Variants in COL11A1 observed in about 807,000 individuals in gnomAD.
The protein encoded by COL11A1 is collagen alpha-1(XI) chain.
Under a neutral mutation model 265.2 loss-of-function variants are expected in COL11A1, and 74 were observed. That is an observed-to-expected ratio of 0.28 (90% confidence interval 0.23 to 0.34). The LOEUF is 0.34. COL11A1 is among the 10% of genes least tolerant of loss of function. The pLI, the probability that COL11A1 is intolerant of heterozygous loss-of-function variation, is 1.00. For missense variants in COL11A1, 2,165 were observed against 2,263.6 expected (o/e 0.96, Z 0.88); for synonymous variants, 816 against 727.6 (o/e 1.12, Z -1.96).
chr1:103,067,533 A>T (rs1349726637), intron 4 of COL11A1, among the ~76,000 whole-genome samples: 1 of 151,826 alleles, frequency 6.6e-6, no homozygotes, highest in Non-Finnish European at 1.5e-5. Flanking sequence ...GGAAAAAAGC[A>T]AATCTCGAAG....
intron 1 of COL11A1, among the ~76,000 whole-genome samples, chr1:103,090,118 T>A (rs1321867822): frequency 6.6e-6 from 1 of 151,594 alleles, no homozygotes; most frequent in East Asian, 1.9e-4. Flanking sequence ...CGAGGCTTTG[T>A]CTCAAAATAA....
chr1:103,027,053 T>C (rs1175087518), intron 5 of COL11A1, among the ~76,000 whole-genome samples: 2 of 151,690 alleles, frequency 1.3e-5, no homozygotes. Flanking sequence ...ATCACTGCCT[T>C]TTTCTCTATT....
intron 4 of COL11A1, among the ~76,000 whole-genome samples, chr1:103,059,079 A>C (rs1335587550): frequency 6.6e-6 from 1 of 152,224 alleles, no homozygotes; most frequent in Non-Finnish European, 1.5e-5. Flanking sequence ...AGGTTGCCAC[A>C]AACTTTCAAT....
intron 1 of COL11A1, among the ~76,000 whole-genome samples, chr1:103,088,942 T>TC (rs1673090502): frequency 6.6e-6 from 1 of 152,024 alleles, no homozygotes; most frequent in South Asian, 2.1e-4. Context: ...TGCCACAAAC[T>TC]CCAAGAGCCA....
intron 37 of COL11A1, 140 bp downstream of exon 37, chr1:102,970,079 A>T: frequency 2.0e-6 from 1 of 501,386 alleles, no homozygotes; most frequent in Non-Finnish European, 3.6e-6. Context: ...TGTATATTTC[A>T]ATAAAAGGCT....
At chr1:102,881,843 C>T (rs1650282406) in intron 64 of COL11A1, 78 bp from the exon 65 acceptor site, 4 of 1,018,912 alleles carry the variant, frequency 3.9e-6, no homozygotes, top group Admixed American at 1.9e-5. Context: ...ACATATAATT[C>T]ATTTTCAGTA....
chr1:102,949,645 G>C (rs1659684010), intron 41 of COL11A1, among the ~76,000 whole-genome samples: 2 of 152,256 alleles, frequency 1.3e-5, no homozygotes, highest in South Asian at 4.1e-4. Flanking sequence ...TTTTATTGCT[G>C]TATGACTTGT....
chr1:103,017,733 T>A, intron 11 of COL11A1, 87 bp downstream of exon 11: 1 of 1,166,214 alleles, frequency 8.6e-7, no homozygotes, highest in South Asian at 1.2e-5. Flanking sequence ...CGCAGTAAGA[T>A]AACATGTTAT....
At chr1:103,029,157 A>C (rs1667787547) in intron 5 of COL11A1, among the ~76,000 whole-genome samples, 1 of 152,080 alleles carries the variant, frequency 6.6e-6, no homozygotes, top group African/African-American at 2.4e-5. Flanking sequence ...AGTAGACAAA[A>C]TTATAAGCTG....
intron 42 of COL11A1, among the ~76,000 whole-genome samples, chr1:102,944,277 T>C (rs1659028936): frequency 6.6e-6 from 1 of 152,176 alleles, no homozygotes; most frequent in African/African-American, 2.4e-5. Flanking sequence ...AACATTTTCA[T>C]CAGTTTTTAT....
At chr1:102,994,637 G>A (rs1348299570) in intron 28 of COL11A1, among the ~76,000 whole-genome samples, 3 of 152,012 alleles carry the variant, frequency 2.0e-5, no homozygotes. Context: ...GTTCTTATGA[G>A]TATGATATTA....
At chr1:103,031,333 T>A in intron 4 of COL11A1, 89 bp from the exon 5 acceptor site, 1 of 1,454,804 alleles carries the variant, frequency 6.9e-7, no homozygotes, top group Non-Finnish European at 9.3e-7. Context: ...TGTGGTTTAT[T>A]TTTAAATATT....
intron 38 of COL11A1, among the ~76,000 whole-genome samples, chr1:102,965,160 C>A (rs1661287154): frequency 6.6e-6 from 1 of 152,064 alleles, no homozygotes; most frequent in Non-Finnish European, 1.5e-5. Flanking sequence ...TAATGGCCCA[C>A]CTATTTACAA....
chr1:102,966,391 T>C (rs1661406650), intron 37 of COL11A1, among the ~76,000 whole-genome samples: 1 of 152,182 alleles, frequency 6.6e-6, no homozygotes, highest in Middle Eastern at 3.2e-3. Context: ...GGGTAGGAAC[T>C]AGCAGTCTCA....
intron 4 of COL11A1, among the ~76,000 whole-genome samples, chr1:103,069,142 A>G (rs1387760122): frequency 2.0e-5 from 3 of 151,772 alleles, no homozygotes; most frequent in Non-Finnish European, 1.5e-5. Flanking sequence ...AAGTAGGAGT[A>G]TTTACCCACA....
In COL11A1 at chr1:103,029,664, A is replaced by G. The variant is rs1310910350; in HGVS notation, c.780+1452T>C. On this transcript the variant is annotated intron_variant, in intron 5 of 66. Transcript: ENST00000370096. ...TTGTCATGCAGTTTCTACTGTAACA[A>G]TGTGCTGTTTTTCTCATCAAATGCT... 2.0e-5 allele frequency among the ~76,000 whole-genome samples: 3 copies of G among 152,040 alleles called. No individual in the cohort carries two copies. The East Asian group carries it at 5.8e-4, about 29-fold the overall frequency.
chr1:103,022,680 A>T (rs1188651218), intron 8 of COL11A1, 62 bp downstream of exon 8: 16 of 1,597,934 alleles, frequency 1.0e-5, no homozygotes, highest in Non-Finnish European at 1.3e-5. Flanking sequence ...TAAGATGGAC[A>T]TGGACATAAA....
chr1:103,108,036 G>A (rs764458771), intron 1 of COL11A1, 37 bp downstream of exon 1: 79 of 1,498,390 alleles, frequency 5.3e-5, no homozygotes, highest in Admixed American at 8.4e-5. Flanking sequence ...TAGGACCGAC[G>A]GCAATCTCCC....
chr1:102,912,014 T>A (rs1654741323), intron 54 of COL11A1, 145 bp downstream of exon 54: 1 of 688,966 alleles, frequency 1.5e-6, no homozygotes, highest in Non-Finnish European at 2.5e-6. Flanking sequence ...TAGTTATTAT[T>A]TGGCACATTT....
Sources: gnomAD v4.1 joint callset for allele counts (sites outside exome capture counted in the v4.1 genomes callset) on GRCh38, gnomAD v4.1.1 for gene constraint, MANE v1.5 for transcripts, NCBI Gene and HGNC (gene_info 2026-07-23, HGNC 2026-07-21) for gene names.